The following GLCE variants were observed in gnomAD, a reference collection of about 807,000 sequenced individuals.
GLCE encodes D-glucuronyl C5-epimerase.
Under a neutral mutation model 47.9 loss-of-function variants are expected in GLCE, and 19 were observed. The observed-to-expected ratio is 0.40, with a 90% CI of 0.28 to 0.58. The LOEUF is 0.58. GLCE is among the 20% of genes least tolerant of loss of function. The pLI, the probability that GLCE is intolerant of heterozygous loss-of-function variation, is 0.48. For synonymous variants in GLCE, 245 were observed against 263.4 expected (o/e 0.93, Z 0.68); for missense variants, 556 against 743.3 (o/e 0.75, Z 2.93).
intron 1 of GLCE, among the ~76,000 whole-genome samples, chr15:69,198,032 T>C (rs2052020884): frequency 6.6e-6 from 1 of 152,192 alleles, no homozygotes; most frequent in Non-Finnish European, 1.5e-5. Flanking sequence ...TTCTTCCCTT[T>C]TAAAGAACAT....
At chr15:69,209,719 C>T (rs2052202707) in intron 1 of GLCE, among the ~76,000 whole-genome samples, 1 of 152,118 alleles carries the variant, frequency 6.6e-6, no homozygotes, top group Non-Finnish European at 1.5e-5. Flanking sequence ...CATGGCTCCC[C>T]TTTTCTGATC....
chr15:69,173,836 T>C (rs1055120606), intron 1 of GLCE, among the ~76,000 whole-genome samples: 5 of 152,192 alleles, frequency 3.3e-5, no homozygotes, highest in Admixed American at 6.5e-5. Flanking sequence ...AAATCTGAAA[T>C]TATAGTATGA....
chr15:69,188,638 A>C (rs905240366), intron 1 of GLCE, among the ~76,000 whole-genome samples: 7 of 152,090 alleles, frequency 4.6e-5, no homozygotes, highest in African/African-American at 1.4e-4. Context: ...GAGCTTTATA[A>C]TTTGTCTTTC....
At chr15:69,202,682 G>A (rs1388931591) in intron 1 of GLCE, among the ~76,000 whole-genome samples, 1 of 152,086 alleles carries the variant, frequency 6.6e-6, no homozygotes, top group African/African-American at 2.4e-5. Context: ...AGTCTACACA[G>A]GCATTGATTT....
rs545087858 is a variant in GLCE, at chr15:69,191,364, C to T, written c.-104-18952C>T. Among the ~76,000 whole-genome samples, 22 of 152,106 alleles carry T rather than the reference C, an allele frequency of 1.4e-4. No individual in the cohort carries two copies. The South Asian group carries it at 3.1e-3, about 22-fold the overall frequency. On this transcript the variant is annotated intron_variant, in intron 1 of 4. Coordinates refer to ENST00000261858, the MANE Select transcript of GLCE (RefSeq NM_015554.3). Reference sequence around the variant, plus strand: ...GGTTTGGTGGTTGGCTAGGAGGACTCGGGACTTAGCATATAGTCAAACTCA... The same window carrying T: ...GGTTTGGTGGTTGGCTAGGAGGACTTGGGACTTAGCATATAGTCAAACTCA...
chr15:69,168,842 G>A (rs1219112668), intron 1 of GLCE, among the ~76,000 whole-genome samples: 1 of 152,084 alleles, frequency 6.6e-6, no homozygotes, highest in Admixed American at 6.5e-5. Flanking sequence ...CATCCATTCT[G>A]TTTTTTAAAA....
intron 4 of GLCE, among the ~76,000 whole-genome samples, chr15:69,266,274 C>T (rs2053084865): frequency 6.6e-6 from 1 of 152,116 alleles, no homozygotes; most frequent in South Asian, 2.1e-4. Context: ...AAATGATCAA[C>T]TCAGCATACT....
rs1421382748 is a variant in GLCE at position 69,270,510 on chromosome 15, G to A, written c.*1266G>A. ...GCATTAAATAAAACCGAGGGTTGTT[G>A]ATTTTGCTGTGACAGTACACTAAAT... On this transcript the variant is annotated 3_prime_UTR_variant, in exon 5 of 5. Coordinates refer to ENST00000261858, the MANE Select transcript of GLCE (RefSeq NM_015554.3). The A allele has an allele frequency of 6.6e-6, 1 of 152,066 alleles. No individual in the cohort carries two copies. The highest frequency in any genetic ancestry group is 1.5e-5 in the Non-Finnish European group (1 of 68,014). 9.4% of individuals were successfully genotyped at this position (152,066 alleles called of 1,614,324 possible).
rs774719762 is a variant in GLCE, at chr15:69,256,196, C to T, written c.390C>T (p.Phe130=). The T allele has an allele frequency of 6.2e-7, 1 of 1,614,078 alleles. No homozygotes were observed. The highest frequency in any genetic ancestry group is 2.2e-5 in the East Asian group (1 of 44,884). The part of the protein sequence containing the change: ...RREGNEVFLP[F]TWVEKYFDVY... Reference sequence around the variant, plus strand: ...AGGGGAACGAAGTCTTTCTTCCATTCACTTGGGTTGAGAAATATTTTGATG... The same window carrying T: ...AGGGGAACGAAGTCTTTCTTCCATTTACTTGGGTTGAGAAATATTTTGATG... The change falls in exon 3 of 5, where the codon TTC becomes TTT. Residue 130 remains phenylalanine, a synonymous_variant. Coordinates refer to ENST00000261858, the MANE Select transcript of GLCE (RefSeq NM_015554.3).
At chr15:69,265,311 G>C (rs571019269) in intron 4 of GLCE, among the ~76,000 whole-genome samples, 4 of 152,180 alleles carry the variant, frequency 2.6e-5, no homozygotes, top group Admixed American at 1.3e-4. Context: ...AGATAGCCTA[G>C]TACCTCCAGT....
At chr15:69,251,167 T>G (rs1168521133) in intron 2 of GLCE, among the ~76,000 whole-genome samples, 1 of 152,208 alleles carries the variant, frequency 6.6e-6, no homozygotes, top group Admixed American at 6.5e-5. Flanking sequence ...AACTTGTTCC[T>G]CTATCCCTTG....
At chr15:69,169,717 A>G (rs2051560436) in intron 1 of GLCE, among the ~76,000 whole-genome samples, 1 of 152,198 alleles carries the variant, frequency 6.6e-6, no homozygotes, top group South Asian at 2.1e-4. Context: ...TACAAAGGAC[A>G]TGAACTCATC....
At position 69,269,421 on chromosome 15, in the gene GLCE, T is replaced by G; in HGVS notation, c.*177T>G. 1 of 599,132 alleles carries G rather than the reference T, an allele frequency of 1.7e-6. No individual in the cohort carries two copies. The highest frequency in any genetic ancestry group is 2.9e-6 in the Non-Finnish European group (1 of 340,542). 37.1% of individuals were successfully genotyped at this position (599,132 alleles called of 1,614,324 possible). On this transcript the variant is annotated 3_prime_UTR_variant, in exon 5 of 5. Transcript: ENST00000261858. ...AAATAATTGCATTCCATGGGTTGGG[T>G]ATTTAGAAATGTAGGTGGCATTTAG... is the stretch of plus-strand genomic sequence containing the variant.
At chr15:69,234,584 C>G (rs1258172522) in intron 2 of GLCE, among the ~76,000 whole-genome samples, 1 of 152,054 alleles carries the variant, frequency 6.6e-6, no homozygotes, top group Non-Finnish European at 1.5e-5. Context: ...GGTAAAATTT[C>G]ATTTCTGCTT....
At chr15:69,260,777 T>A (rs976189505) in intron 3 of GLCE, 52 of 274,376 alleles carry the variant, frequency 1.9e-4, no homozygotes, top group African/African-American at 1.1e-3. Flanking sequence ...AACAGGATTA[T>A]GAAACATGAC....
At chr15:69,266,617 A>G (rs1284061836) in intron 4 of GLCE, among the ~76,000 whole-genome samples, 1 of 152,168 alleles carries the variant, frequency 6.6e-6, no homozygotes, top group Non-Finnish European at 1.5e-5. Context: ...TGCCTGGCCC[A>G]GTTCACATTT....
At chr15:69,185,657 C>T (rs1230265649) in intron 1 of GLCE, among the ~76,000 whole-genome samples, 1 of 151,720 alleles carries the variant, frequency 6.6e-6, no homozygotes, top group Admixed American at 6.6e-5. Flanking sequence ...TCTACTCTCA[C>T]ACCACCACAA....
chr15:69,233,231 A>G (rs57307417), intron 2 of GLCE, among the ~76,000 whole-genome samples: 4,871 of 152,290 alleles, frequency 0.032, 261 homozygotes, highest in African/African-American at 0.11. Context: ...ATTTAGGTGT[A>G]AAGTATGTGA....
intron 1 of GLCE, among the ~76,000 whole-genome samples, chr15:69,196,212 G>A (rs974267085): frequency 2.0e-5 from 3 of 152,142 alleles, no homozygotes; most frequent in Non-Finnish European, 4.4e-5. Context: ...CAAGGAGGAG[G>A]CTAGTGTGAC....
Sources: gnomAD v4.1 joint callset for allele counts (sites outside exome capture counted in the v4.1 genomes callset) on GRCh38, gnomAD v4.1.1 for gene constraint, MANE v1.5 for transcripts, NCBI Gene and HGNC (gene_info 2026-07-23, HGNC 2026-07-21) for gene names.